Variants in DYM observed in about 807,000 individuals in gnomAD.
DYM encodes dymeclin, also known as dyggve-Melchior-Clausen syndrome protein.
In DYM, 78 loss-of-function variants were observed where a neutral mutation model predicts 93.1. The observed-to-expected ratio is 0.84, with a 90% confidence interval of 0.70 to 1.01. The LOEUF is 1.01. Ranked by LOEUF, DYM falls within the 50% of genes least tolerant of loss-of-function variation. The pLI, the probability that DYM is intolerant of heterozygous loss-of-function variation, is 0.00. For missense variants in DYM, 789 were observed against 845.0 expected, an observed-to-expected ratio of 0.93 and a Z score of 0.82; for synonymous variants, 321 against 319.7, an observed-to-expected ratio of 1.00 and a Z score of -0.04.
At chr18:49,362,170 CT>C (rs1050744662) in intron 6 of DYM, among the ~76,000 whole-genome samples, 7 of 151,554 alleles carry the variant, frequency 4.6e-5, no homozygotes, top group African/African-American at 1.7e-4. Context: ...CTGGCCAATA[CT>C]TTTTTTTAAA....
At chr18:49,052,381 A>C (rs991050728) in intron 17 of DYM, among the ~76,000 whole-genome samples, 5 of 152,246 alleles carry the variant, frequency 3.3e-5, no homozygotes, top group Non-Finnish European at 5.9e-5. Flanking sequence ...TTCTCCCTCT[A>C]AGATGTCTTA....
At chr18:49,126,728 AGCACTATGT>A (rs1283839592) in intron 15 of DYM, among the ~76,000 whole-genome samples, 3 of 152,194 alleles carry the variant, frequency 2.0e-5, no homozygotes, top group African/African-American at 7.2e-5. Context: ...ACACATGGTA[AGCACTATGT>A]GAGTGTTATC....
At chr18:49,308,986 G>C (rs903588292) in intron 8 of DYM, among the ~76,000 whole-genome samples, 5 of 152,096 alleles carry the variant, frequency 3.3e-5, no homozygotes, top group African/African-American at 9.7e-5. Context: ...CATTCATGAA[G>C]AAATATTAAT....
Position 49,132,791 on chromosome 18 carries a change from G to A in DYM, c.1729-13865C>T, listed in dbSNP as rs1335232859. ...AGAGTACAATTCTAGGAAATCTATT[G>A]ATGTACTCATAGTAAATATTCAAAG... On this transcript the variant is annotated intron_variant, in intron 15 of 17. Transcript: ENST00000675505. Among the ~76,000 whole-genome samples, 3 of 152,210 alleles carry A rather than the reference G, an allele frequency of 2.0e-5. No individual in the cohort carries two copies. The East Asian group carries it at 5.8e-4, about 29-fold the overall frequency.
At chr18:49,187,093 G>A (rs1036645239) in intron 14 of DYM, among the ~76,000 whole-genome samples, 13 of 151,964 alleles carry the variant, frequency 8.6e-5, no homozygotes, top group Non-Finnish European at 1.2e-4. Context: ...CTAATTTTTT[G>A]TATGTTTAGT....
chr18:49,133,894 T>C (rs1208464722), intron 15 of DYM, among the ~76,000 whole-genome samples: 1 of 152,218 alleles, frequency 6.6e-6, no homozygotes, highest in Non-Finnish European at 1.5e-5. Flanking sequence ...GGGGATAGGA[T>C]GTGGACACTT....
At chr18:49,324,138 C>CAAA (rs59640889) in intron 8 of DYM, among the ~76,000 whole-genome samples, 16,054 of 54,312 alleles carry the variant, frequency 0.3, 4,909 homozygotes, top group Non-Finnish European at 0.34. Context: ...GGCTCTGTCT[C>CAAA]AAAAAAAAAA....
intron 2 of DYM, among the ~76,000 whole-genome samples, chr18:49,421,563 G>C (rs2073713787): frequency 6.6e-6 from 1 of 152,188 alleles, no homozygotes; most frequent in African/African-American, 2.4e-5. Flanking sequence ...GAGCAGAAAA[G>C]CTGAAAATTC....
At chr18:49,281,435 C>T (rs555217852) in intron 10 of DYM, among the ~76,000 whole-genome samples, 1 of 152,298 alleles carries the variant, frequency 6.6e-6, no homozygotes. Context: ...CCATTTGACC[C>T]AGCCATCCCA....
At chr18:49,332,848 T>C (rs929007812) in intron 7 of DYM, among the ~76,000 whole-genome samples, 4 of 152,294 alleles carry the variant, frequency 2.6e-5, no homozygotes, top group African/African-American at 9.6e-5. Flanking sequence ...GTTCACAATC[T>C]TGTTTCAGCA....
intron 15 of DYM, among the ~76,000 whole-genome samples, chr18:49,120,585 A>G (rs995654550): frequency 7.2e-5 from 11 of 152,172 alleles, no homozygotes; most frequent in African/African-American, 2.4e-4. Flanking sequence ...GAATCTGAGG[A>G]TATGAAGGGC....
chr18:49,348,612 A>T (rs905850869), intron 6 of DYM, among the ~76,000 whole-genome samples: 5 of 122,228 alleles, frequency 4.1e-5, no homozygotes, highest in Non-Finnish European at 9.1e-5. Context: ...TATGATTTAT[A>T]AAAAAAAAAA....
chr18:49,438,840 T>C (rs1466845637), intron 1 of DYM, among the ~76,000 whole-genome samples: 1 of 152,206 alleles, frequency 6.6e-6, no homozygotes, highest in African/African-American at 2.4e-5. Flanking sequence ...CAATGGCATC[T>C]CTTCTGCAAT....
intron 14 of DYM, among the ~76,000 whole-genome samples, chr18:49,197,775 G>T (rs1368606597): frequency 6.6e-6 from 1 of 152,112 alleles, no homozygotes; most frequent in African/African-American, 2.4e-5. Context: ...TGGGTAGGAA[G>T]AATCAATATC....
chr18:49,261,625 A>G (rs2094492175), intron 11 of DYM, among the ~76,000 whole-genome samples: 1 of 152,196 alleles, frequency 6.6e-6, no homozygotes, highest in Non-Finnish European at 1.5e-5. Flanking sequence ...TCCAGCCTGG[A>G]CGACAGAGAA....
intron 3 of DYM, among the ~76,000 whole-genome samples, chr18:49,386,845 G>A (rs1425412671): frequency 1.3e-5 from 2 of 152,042 alleles, no homozygotes; most frequent in East Asian, 1.9e-4. Flanking sequence ...ACCTTGCAGT[G>A]AGCAAGTCTA....
intron 16 of DYM, among the ~76,000 whole-genome samples, chr18:49,109,799 G>T (rs1036612389): frequency 1.3e-5 from 2 of 152,166 alleles, no homozygotes; most frequent in African/African-American, 2.4e-5. Flanking sequence ...ACTCCAGAAG[G>T]AGATACAAAT....
At chr18:49,177,426 TGGACCCTTAATTTGA>T (rs2089506952) in intron 14 of DYM, among the ~76,000 whole-genome samples, 1 of 152,194 alleles carries the variant, frequency 6.6e-6, no homozygotes, top group Non-Finnish European at 1.5e-5. Flanking sequence ...TCCCAGGTGT[TGGACCCTTAATTTGA>T]GAATCTCAAC....
chr18:49,043,870 TGA>T lies in DYM; in HGVS notation c.*183_*184del. On this transcript the variant is annotated 3_prime_UTR_variant, in exon 18 of 18. Transcript: ENST00000675505. ...CCCCTTTTTGCAATACTATCTACGC[TGA>T]GTTATCTATTGCCAACTAGCACCAA... 1 of 696,212 alleles carries T rather than the reference TGA, an allele frequency of 1.4e-6. No individual in the cohort carries two copies. Among genetic ancestry groups the T allele is most frequent in the Non-Finnish European group, 2.5e-6 (1 of 402,996 alleles). The allele number at this position is 696,212 out of a possible 1,614,324, so 43.1% of individuals were successfully genotyped here.
Sources: gnomAD v4.1 joint callset for allele counts (sites outside exome capture counted in the v4.1 genomes callset) on GRCh38, gnomAD v4.1.1 for gene constraint, MANE v1.5 for transcripts, NCBI Gene and HGNC (gene_info 2026-07-23, HGNC 2026-07-21) for gene names.